AMPH: variants seen among roughly 807,000 people sequenced by gnomAD.
The protein encoded by AMPH is amphiphysin (Stiff-Mann syndrome with breast cancer 128kD autoantigen).
Under a neutral mutation model 99.1 loss-of-function variants are expected in AMPH, and 49 were observed. The ratio of observed to expected loss-of-function variants is 0.49; its 90% confidence interval spans 0.39 to 0.63. The LOEUF is 0.63. Among genes scored for constraint, AMPH ranks in the 20% least tolerant of loss-of-function variants. AMPH has a pLI of 0.00. For missense variants in AMPH, 759 were observed against 863.4 expected, an observed-to-expected ratio of 0.88 and a Z score of 1.52; for synonymous variants, 314 against 317.3, an observed-to-expected ratio of 0.99 and a Z score of 0.11.
intron 12 of AMPH, among the ~76,000 whole-genome samples, chr7:38,435,841 C>A (rs1331117240): frequency 6.6e-6 from 1 of 152,148 alleles, no homozygotes; most frequent in Non-Finnish European, 1.5e-5. Context: ...CTTCTGCTGG[C>A]CCGTGCTTTC....
In AMPH at chr7:38,490,011, G is replaced by A. The variant is rs190636215; in HGVS notation, c.396+1039C>T. On this transcript the variant is annotated intron_variant, in intron 5 of 20. Coordinates refer to ENST00000356264, the MANE Select transcript of AMPH (RefSeq NM_001635.4). ...AATAATTTTGAAAATAATTTGCCAT[G>A]CAATAAACAGTACTCTGAAGTGATT... Among the ~76,000 whole-genome samples, 137 of 152,170 alleles carry A rather than the reference G, an allele frequency of 9.0e-4. 3 individuals carry two copies. The highest frequency in any genetic ancestry group is 8.6e-3 in the Admixed American group (132 of 15,290).
At chr7:38,569,599 TATAAC>T (rs1284498582) in intron 1 of AMPH, among the ~76,000 whole-genome samples, 1 of 151,972 alleles carries the variant, frequency 6.6e-6, no homozygotes, top group African/African-American at 2.4e-5. Context: ...AATAAATTGA[TATAAC>T]ATATATATAT....
At chr7:38,622,462 C>A (rs2129070990) in intron 1 of AMPH, among the ~76,000 whole-genome samples, 1 of 151,736 alleles carries the variant, frequency 6.6e-6, no homozygotes, top group East Asian at 1.9e-4. Context: ...CATACACACA[C>A]ACACACACAC....
intron 11 of AMPH, among the ~76,000 whole-genome samples, chr7:38,448,741 CT>C (rs1202394130): frequency 6.6e-6 from 1 of 152,206 alleles, no homozygotes; most frequent in African/African-American, 2.4e-5. Context: ...GATCCCTTTA[CT>C]CACAATCTAG....
chr7:38,503,670 C>A lies in AMPH; in HGVS notation c.185G>T (p.Gly62Val), dbSNP rs1562795330. 6.2e-7 allele frequency: 1 copy of A among 1,613,872 alleles called. No homozygotes were observed. Among genetic ancestry groups the A allele is most frequent in the Non-Finnish European group, 8.5e-7 (1 of 1,179,956 alleles). The stretch of plus-strand genomic sequence containing the variant: ...ATTACCTTTGATTGCTGCTAAATAT[C>A]CTCGGAGTTCTCGCTGAAGTCTGGT... Reference protein sequence around the residue: ...EGTRLQRELRGYLAAIKGMQE... With the variant: ...EGTRLQRELRVYLAAIKGMQE... The change falls in exon 3 of 21, where the codon GGA becomes GTA. Residue 62 changes from glycine (G) to valine (V), a missense_variant. By Grantham distance (109) the Gly-to-Val change is moderately radical (BLOSUM62 -3). Around this residue, in one of 2 missense-constraint regions of AMPH, gnomAD observed 205 missense variants for 287.9 expected, o/e 0.71. Transcript: ENST00000356264.
At chr7:38,615,729 T>C (rs4723774) in intron 1 of AMPH, among the ~76,000 whole-genome samples, 12,202 of 152,202 alleles carry the variant, frequency 0.08, 820 homozygotes, top group African/African-American at 0.17. Flanking sequence ...ATCCTGTAGC[T>C]GCACAGTGTA....
At chr7:38,608,611 A>G (rs1584299773) in intron 1 of AMPH, among the ~76,000 whole-genome samples, 1 of 152,140 alleles carries the variant, frequency 6.6e-6, no homozygotes, top group Non-Finnish European at 1.5e-5. Context: ...TATCTCCCCA[A>G]TCCTCCAATA....
rs61464241 is a variant in AMPH, at chr7:38,385,470, C to G, written c.1981-545G>C. On this transcript the variant is annotated intron_variant, in intron 20 of 20. Coordinates refer to ENST00000356264, the MANE Select transcript of AMPH (RefSeq NM_001635.4). ...GACCCCCAGCTCATATCCTATAACC[C>G]CAATAAACTACCTATGTAGATGTAG... is the stretch of plus-strand genomic sequence containing the variant. 2.0e-4 allele frequency among the ~76,000 whole-genome samples: 30 copies of G among 152,236 alleles called. No individual in the cohort carries two copies. In the East Asian group the frequency reaches 5.0e-3, roughly 25 times the overall value.
chr7:38,514,441 A>G (rs557905716), intron 2 of AMPH, among the ~76,000 whole-genome samples: 1 of 152,250 alleles, frequency 6.6e-6, no homozygotes, highest in Non-Finnish European at 1.5e-5. Context: ...ACTCCTGCAG[A>G]AATTTACAGC....
chr7:38,610,382 G>A (rs13309229), intron 1 of AMPH, among the ~76,000 whole-genome samples: 1,184 of 22,528 alleles, frequency 0.053, 190 homozygotes, highest in East Asian at 0.081. Flanking sequence ...AGAAAGGAAA[G>A]GAAAAGAAAA....
intron 17 of AMPH, among the ~76,000 whole-genome samples, chr7:38,398,934 T>TCTGACGTTC: frequency 6.6e-6 from 1 of 152,298 alleles, no homozygotes. Context: ...GCCTGACTGC[T>TCTGACGTTC]CTGACGTTCC....
intron 16 of AMPH, chr7:38,418,163 A>G (rs779910623): frequency 3.2e-5 from 13 of 400,038 alleles, no homozygotes; most frequent in Non-Finnish European, 5.6e-5. Flanking sequence ...CTGCTTTACC[A>G]TCATCAAGAC....
chr7:38,422,529 G>T, intron 15 of AMPH, 52 bp from the exon 16 acceptor site: 1 of 1,397,230 alleles, frequency 7.2e-7, no homozygotes. Flanking sequence ...ATTTAAATCA[G>T]CTACCATCAA....
chr7:38,557,165 A>G (rs903000031), intron 1 of AMPH, among the ~76,000 whole-genome samples: 5 of 152,176 alleles, frequency 3.3e-5, no homozygotes, highest in Non-Finnish European at 5.9e-5. Context: ...GAAACTGAAC[A>G]AAGGCGCGGG....
At chr7:38,406,339 T>A (rs776662803) in intron 17 of AMPH, among the ~76,000 whole-genome samples, 2 of 151,836 alleles carry the variant, frequency 1.3e-5, no homozygotes, top group Non-Finnish European at 2.9e-5. Context: ...AACCTAAAGC[T>A]AGCAGAAGAA....
intron 20 of AMPH, among the ~76,000 whole-genome samples, chr7:38,385,530 C>T (rs192637647): frequency 2.7e-4 from 41 of 152,246 alleles, no homozygotes; most frequent in African/African-American, 8.2e-4. Flanking sequence ...ATGTGTGTTG[C>T]CTTATATTAC....
intron 1 of AMPH, among the ~76,000 whole-genome samples, chr7:38,543,474 G>A (rs1790886572): frequency 6.6e-6 from 1 of 152,020 alleles, no homozygotes; most frequent in African/African-American, 2.4e-5. Context: ...TATAAAAAAT[G>A]CCCACTTTAC....
intron 1 of AMPH, among the ~76,000 whole-genome samples, chr7:38,616,248 G>A (rs780378883): frequency 5.9e-5 from 9 of 151,968 alleles, no homozygotes; most frequent in Non-Finnish European, 1.3e-4. Flanking sequence ...CTACGATTAT[G>A]TGTGAAATAT....
intron 1 of AMPH, 71 bp downstream of exon 1, chr7:38,631,212 T>A: frequency 2.8e-6 from 4 of 1,413,870 alleles, no homozygotes; most frequent in Non-Finnish European, 3.7e-6. Context: ...CCCGCACAGC[T>A]GCAGCCGGTG....
Sources: allele counts gnomAD v4.1 joint callset (sites outside exome capture counted in the v4.1 genomes callset), GRCh38; gene constraint gnomAD v4.1.1; regional missense constraint gnomAD v4.1.1; transcripts MANE v1.5; gene names NCBI Gene and HGNC (gene_info 2026-07-23, HGNC 2026-07-21).